The following LINC01488 variants were observed in gnomAD, a reference collection of about 807,000 sequenced individuals.
LINC01488 encodes the protein long independently transcribed non-coding RNA 1488, also known as CCND1-upstream intergenic DNA repair 1.
intron 1 of LINC01488, among the ~76,000 whole-genome samples, chr11:69,483,653 G>A (rs1857069710): frequency 1.3e-5 from 2 of 152,182 alleles, no homozygotes; most frequent in South Asian, 2.1e-4. Flanking sequence ...ACGTCCAGAG[G>A]GGGCTTTTGC....
At chr11:69,482,341 G>A (rs1857055235) in intron 1 of LINC01488, among the ~76,000 whole-genome samples, 1 of 151,874 alleles carries the variant, frequency 6.6e-6, no homozygotes, top group Non-Finnish European at 1.5e-5. Flanking sequence ...GGACACATGG[G>A]GATTATTACA....
intron 1 of LINC01488, among the ~76,000 whole-genome samples, chr11:69,488,758 G>C (rs1857166409): frequency 6.6e-6 from 1 of 152,226 alleles, no homozygotes. Context: ...ATGGCCATCA[G>C]TCACCAGCAT....
At chr11:69,489,689 CAG>C (rs983352926) in intron 1 of LINC01488, among the ~76,000 whole-genome samples, 5 of 152,234 alleles carry the variant, frequency 3.3e-5, no homozygotes, top group African/African-American at 1.2e-4. Flanking sequence ...CCCGCAGGGA[CAG>C]GGGCAGGTCT....
Position 69,487,631 on chromosome 11 carries a change from G to T in LINC01488, n.123-2864G>T, listed in dbSNP as rs527664344. ...CCTCCCTGTGGCTGATTTCTTGTGG[G>T]TCGTGGAATTTCTAGTTTTAAGGGG... On this transcript the variant is annotated intron_variant and non_coding_transcript_variant, in intron 1 of 3. Transcript: ENST00000644563. Among the ~76,000 whole-genome samples, 4 of 152,314 alleles carry T rather than the reference G, an allele frequency of 2.6e-5. No individual in the cohort carries two copies. In the South Asian group the frequency reaches 8.3e-4, roughly 32 times the overall value.
intron 1 of LINC01488, among the ~76,000 whole-genome samples, chr11:69,483,827 C>G (rs1252436514): frequency 6.6e-6 from 1 of 152,132 alleles, no homozygotes; most frequent in Non-Finnish European, 1.5e-5. Context: ...CGGGCCGGCC[C>G]GGCTGGCGGG....
At chr11:69,487,304 C>G (rs574965236) in intron 1 of LINC01488, among the ~76,000 whole-genome samples, 4 of 152,168 alleles carry the variant, frequency 2.6e-5, no homozygotes, top group Non-Finnish European at 5.9e-5. Flanking sequence ...GGTGGGACGG[C>G]ATGGGAAGGA....
At chr11:69,484,205 AAGAAAC>A (rs1373060197) in intron 1 of LINC01488, among the ~76,000 whole-genome samples, 1 of 152,184 alleles carries the variant, frequency 6.6e-6, no homozygotes, top group Non-Finnish European at 1.5e-5. Context: ...ACACTCAGCC[AAGAAAC>A]AGACAGGCCA....
chr11:69,483,945 C>T (rs986929211), intron 1 of LINC01488, among the ~76,000 whole-genome samples: 5 of 152,190 alleles, frequency 3.3e-5, no homozygotes, highest in African/African-American at 1.2e-4. Flanking sequence ...CTAAGGCAGC[C>T]GAGCCAAGGG....
At chr11:69,482,703 A>G (rs1200646439) in intron 1 of LINC01488, among the ~76,000 whole-genome samples, 1 of 152,202 alleles carries the variant, frequency 6.6e-6, no homozygotes, top group Non-Finnish European at 1.5e-5. Context: ...TGATTGATTT[A>G]TATAGTTTGT....
At chr11:69,490,245 T>C (rs1364312869) in intron 1 of LINC01488, among the ~76,000 whole-genome samples, 2 of 152,160 alleles carry the variant, frequency 1.3e-5, no homozygotes, top group African/African-American at 2.4e-5. Context: ...CGAATGGGCT[T>C]TTGTCCGAAG....
At chr11:69,491,877 G>C (rs1031166174) in intron 3 of LINC01488, 4 of 152,622 alleles carry the variant, frequency 2.6e-5, no homozygotes, top group African/African-American at 7.2e-5. Flanking sequence ...GGGACATTTG[G>C]AGCACAGTGG....
chr11:69,489,922 C>T (rs1341015977), intron 1 of LINC01488, among the ~76,000 whole-genome samples: 1 of 152,198 alleles, frequency 6.6e-6, no homozygotes, highest in Non-Finnish European at 1.5e-5. Context: ...GTGGTTCCAG[C>T]CCCAGGGGTG....
At chr11:69,490,600 C>T (rs1474350253) in intron 2 of LINC01488, 3 of 152,000 alleles carry the variant, frequency 2.0e-5, no homozygotes, top group Admixed American at 2.0e-4. Context: ...AAGCTGCTTC[C>T]CAAGGCAGGG....
At position 69,487,535 on chromosome 11, in the gene LINC01488, G is replaced by A. The variant is rs941464693; in HGVS notation, n.123-2960G>A. On this transcript the variant is annotated intron_variant and non_coding_transcript_variant, in intron 1 of 3. Coordinates refer to ENST00000644563, the Ensembl canonical transcript of LINC01488. ...TCCGCCCTGTCCTCAGGAAGGGGCC[G>A]TGTGGTGTCCACGTGTGCTGGCCCT... Among the ~76,000 whole-genome samples, 4 of 152,248 alleles carry A rather than the reference G, an allele frequency of 2.6e-5. 1 individual carries two copies. Among genetic ancestry groups the A allele is most frequent in the Admixed American group, 1.3e-4 (2 of 15,292 alleles).
chr11:69,488,673 C>T (rs374078313), intron 1 of LINC01488, among the ~76,000 whole-genome samples: 5 of 152,366 alleles, frequency 3.3e-5, no homozygotes, highest in Admixed American at 1.3e-4. Flanking sequence ...AGAGCCCCGT[C>T]GCAGGGACAC....
chr11:69,485,013 A>G (rs555896727), intron 1 of LINC01488, among the ~76,000 whole-genome samples: 1 of 152,286 alleles, frequency 6.6e-6, no homozygotes, highest in Admixed American at 6.5e-5. Flanking sequence ...AAAATCTCTG[A>G]ACCACCCAAC....
intron 1 of LINC01488, among the ~76,000 whole-genome samples, chr11:69,482,485 T>C (rs954631603): frequency 2.0e-5 from 3 of 151,494 alleles, no homozygotes; most frequent in Non-Finnish European, 2.9e-5. Context: ...CATGGATAGA[T>C]GGATGAGTGC....
chr11:69,488,276 C>A (rs1857156374), intron 1 of LINC01488: 1 of 152,420 alleles, frequency 6.6e-6, no homozygotes, highest in Admixed American at 6.5e-5. Flanking sequence ...GTCTGGATCT[C>A]ATGCGAGAAC....
At chr11:69,487,247 T>C (rs1857139099) in intron 1 of LINC01488, among the ~76,000 whole-genome samples, 1 of 150,620 alleles carries the variant, frequency 6.6e-6, no homozygotes, top group African/African-American at 2.4e-5. Context: ...GAGCGGAGGA[T>C]GGGAGGAGAG....
Sources: gnomAD v4.1 joint callset for allele counts (sites outside exome capture counted in the v4.1 genomes callset) on GRCh38, gnomAD v4.1.1 for gene constraint, MANE v1.5 for transcripts, NCBI Gene and HGNC (gene_info 2026-07-23, HGNC 2026-07-21) for gene names.